The following PPP1R9A variants were observed in gnomAD, a reference collection of about 807,000 sequenced individuals.
The protein encoded by PPP1R9A is protein phosphatase 1 regulatory subunit 9A, also known as neurabin-1.
PPP1R9A carries 59 observed loss-of-function variants against 141.9 expected under a neutral mutation model. The observed-to-expected ratio is 0.42, with a 90% confidence interval of 0.34 to 0.52. PPP1R9A has a LOEUF of 0.52. PPP1R9A is among the 20% of genes least tolerant of loss of function. The probability of loss-of-function intolerance (pLI) is 0.10; values close to 1 mark genes in which losing one functional copy is unlikely to be tolerated. For missense variants in PPP1R9A, 1,444 were observed against 1,611.9 expected, an observed-to-expected ratio of 0.90 and a Z score of 1.78; for synonymous variants, 500 against 569.7, an observed-to-expected ratio of 0.88 and a Z score of 1.74.
At chr7:95,022,891 T>C (rs1212229312) in intron 2 of PPP1R9A, among the ~76,000 whole-genome samples, 1 of 152,230 alleles carries the variant, frequency 6.6e-6, no homozygotes, top group East Asian at 1.9e-4. Context: ...CAGTATTTTA[T>C]TGAGGATTTT....
At position 95,294,295 on chromosome 7, in the gene PPP1R9A, T is replaced by C. The variant is rs1405259766; in HGVS notation, c.*3992T>C. ...TTTCTTTTCTTTTTTTTTTTTTTTTTCTGTCATCTGTCACCCAGACTGGAC... is the reference window on the plus strand; with the variant it reads ...TTTCTTTTCTTTTTTTTTTTTTTTTCCTGTCATCTGTCACCCAGACTGGAC... On this transcript the variant is annotated 3_prime_UTR_variant, in exon 20 of 20. Transcript: ENST00000433360. 4.7e-5 allele frequency: 7 copies of C among 148,516 alleles called. No homozygotes were observed. The highest frequency in any genetic ancestry group is 7.5e-5 in the African/African-American group (3 of 39,750). 9.2% of individuals were successfully genotyped at this position (148,516 alleles called of 1,614,324 possible).
intron 3 of PPP1R9A, 128 bp from the exon 4 acceptor site, chr7:95,120,584 C>A: frequency 9.7e-7 from 1 of 1,029,800 alleles, no homozygotes; most frequent in Non-Finnish European, 1.4e-6. Context: ...TCTGCTAAAG[C>A]AAGCATGTTA....
intron 2 of PPP1R9A, among the ~76,000 whole-genome samples, chr7:95,040,980 A>T (rs970782220): frequency 6.6e-6 from 1 of 152,120 alleles, no homozygotes; most frequent in Non-Finnish European, 1.5e-5. Flanking sequence ...CCCAAACTAT[A>T]GTTTGTGATT....
intron 12 of PPP1R9A, among the ~76,000 whole-genome samples, chr7:95,267,655 TC>T (rs1274400998): frequency 2.6e-5 from 4 of 152,148 alleles, no homozygotes; most frequent in Admixed American, 2.6e-4. Context: ...TGTTAATAGT[TC>T]ATTTTCTTTG....
In PPP1R9A at chr7:95,268,598, T is replaced by C; in HGVS notation, c.2714T>C (p.Leu905Pro). The C allele has an allele frequency of 6.2e-7, 1 of 1,613,452 alleles. No homozygotes were observed. The highest frequency in any genetic ancestry group is 8.5e-7 in the Non-Finnish European group (1 of 1,179,568). Residue 905 changes from leucine (L) to proline (P), a missense_variant, in exon 13 of 20, where the codon CTG becomes CCG. Coordinates refer to ENST00000433360, the MANE Select transcript of PPP1R9A (RefSeq NM_001166160.2). Reference protein sequence around the residue: ...PETERLDSKALKTRAQLSVKN... With the variant: ...PETERLDSKAPKTRAQLSVKN... ...ACAGAGCGCCTGGATTCAAAAGCAC[T>C]GAAAACTCGAGCCCAGCTCTCTGTG...
At chr7:95,261,337 T>C (rs973991142) in intron 12 of PPP1R9A, among the ~76,000 whole-genome samples, 1 of 152,176 alleles carries the variant, frequency 6.6e-6, no homozygotes, top group African/African-American at 2.4e-5. Context: ...GCAATTAGAG[T>C]ATCAGGTCCA....
chr7:95,278,597 T>TATTTATA (rs1803614707), intron 16 of PPP1R9A, among the ~76,000 whole-genome samples: 1 of 152,188 alleles, frequency 6.6e-6, no homozygotes, highest in South Asian at 2.1e-4. Flanking sequence ...TTTATTTTCT[T>TATTTATA]ATTTATATTC....
intron 14 of PPP1R9A, 124 bp downstream of exon 14, chr7:95,269,631 A>G (rs778023062): frequency 2.5e-5 from 18 of 711,596 alleles, no homozygotes; most frequent in Middle Eastern, 4.2e-4. Flanking sequence ...ATTTCTTTTT[A>G]TATTATAGAA....
At chr7:95,196,691 A>G (rs564834769) in intron 5 of PPP1R9A, among the ~76,000 whole-genome samples, 2 of 152,208 alleles carry the variant, frequency 1.3e-5, no homozygotes, top group African/African-American at 4.8e-5. Flanking sequence ...GGTGAGCAAA[A>G]CAAGCTAGAT....
intron 2 of PPP1R9A, among the ~76,000 whole-genome samples, chr7:95,084,953 G>A (rs937967194): frequency 6.6e-6 from 1 of 151,876 alleles, no homozygotes; most frequent in Non-Finnish European, 1.5e-5. Context: ...AACTAGCCAG[G>A]TTTTAGGTTC....
intron 10 of PPP1R9A, among the ~76,000 whole-genome samples, chr7:95,251,163 A>G (rs1798819472): frequency 1.3e-5 from 2 of 152,182 alleles, no homozygotes; most frequent in Admixed American, 1.3e-4. Flanking sequence ...CACTGTTTTA[A>G]CTATTTGCCA....
intron 6 of PPP1R9A, among the ~76,000 whole-genome samples, chr7:95,199,518 A>G (rs973911760): frequency 1.2e-4 from 19 of 152,216 alleles, no homozygotes; most frequent in Admixed American, 3.3e-4. Flanking sequence ...TTTTAATCCC[A>G]ATGTATATTA....
chr7:95,243,064 C>T (rs1369172369), intron 8 of PPP1R9A, among the ~76,000 whole-genome samples: 2 of 152,144 alleles, frequency 1.3e-5, no homozygotes, highest in African/African-American at 4.8e-5. Context: ...CTTCATTTGT[C>T]GAGGTCCTTC....
chr7:95,076,661 C>T (rs190802030), intron 2 of PPP1R9A, among the ~76,000 whole-genome samples: 15 of 151,966 alleles, frequency 9.9e-5, no homozygotes. Context: ...ACTTTTTTGT[C>T]ATATTTCAAA....
At chr7:94,937,754 G>A (rs1794920255) in intron 2 of PPP1R9A, among the ~76,000 whole-genome samples, 1 of 152,176 alleles carries the variant, frequency 6.6e-6, no homozygotes, top group Non-Finnish European at 1.5e-5. Context: ...ATGTTTGAAA[G>A]CATCTTCTCT....
At chr7:95,039,536 C>T (rs1256748718) in intron 2 of PPP1R9A, among the ~76,000 whole-genome samples, 16 of 147,238 alleles carry the variant, frequency 1.1e-4, no homozygotes, top group South Asian at 2.1e-4. Context: ...CCAGCCTGGG[C>T]GACAGAGGGA....
chr7:95,196,201 G>A (rs1381837548), intron 5 of PPP1R9A, among the ~76,000 whole-genome samples: 1 of 152,126 alleles, frequency 6.6e-6, no homozygotes, highest in Non-Finnish European at 1.5e-5. Flanking sequence ...CAGAAGATAT[G>A]TGAATGGTCA....
intron 8 of PPP1R9A, among the ~76,000 whole-genome samples, chr7:95,241,787 C>T (rs1327709686): frequency 1.3e-5 from 2 of 152,100 alleles, no homozygotes; most frequent in African/African-American, 4.8e-5. Flanking sequence ...GGGATAATAA[C>T]ATTAAGTTAT....
chr7:94,972,971 A>G (rs1243443457), intron 2 of PPP1R9A, among the ~76,000 whole-genome samples: 1 of 152,206 alleles, frequency 6.6e-6, no homozygotes, highest in Non-Finnish European at 1.5e-5. Context: ...GACCAATGGA[A>G]TGAATAGATT....
Sources: gnomAD v4.1 joint callset for allele counts (sites outside exome capture counted in the v4.1 genomes callset) on GRCh38, gnomAD v4.1.1 for gene constraint, MANE v1.5 for transcripts, NCBI Gene and HGNC (gene_info 2026-07-23, HGNC 2026-07-21) for gene names.